Variants in RBMS3 observed in about 807,000 individuals in gnomAD.
The protein encoded by RBMS3 is RNA binding motif single stranded interacting protein 3.
In RBMS3, 27 loss-of-function variants were observed where a neutral mutation model predicts 66.8. That is an observed-to-expected ratio of 0.40 (90% CI 0.30 to 0.56). RBMS3 has a LOEUF of 0.56. Among genes scored for constraint, RBMS3 ranks in the 20% least tolerant of loss-of-function variants. The pLI is 0.40. For missense variants in RBMS3, 513 were observed against 549.5 expected (o/e 0.93, Z 0.66); for synonymous variants, 188 against 183.0 (o/e 1.03, Z -0.22).
chr3:29,652,511 T>G (rs2050181899), intron 4 of RBMS3, among the ~76,000 whole-genome samples: 2 of 152,098 alleles, frequency 1.3e-5, no homozygotes, highest in South Asian at 4.1e-4. Context: ...TAGGCCCTCC[T>G]GCTAGTGATC....
At chr3:29,422,419 G>T (rs1022471455) in intron 1 of RBMS3, among the ~76,000 whole-genome samples, 6 of 144,518 alleles carry the variant, frequency 4.2e-5, no homozygotes, top group African/African-American at 1.5e-4. Flanking sequence ...AAAATCTCCA[G>T]TAATAATCAC....
At position 29,651,023 on chromosome 3, in the gene RBMS3, T is replaced by C. The variant is rs560421937; in HGVS notation, c.399+63818T>C. ...TCAACTATTTTAGTTGTTGATTTTT[T>C]TTGATGTTGCCTTTAAAAAATCAAA... is the stretch of plus-strand genomic sequence containing the variant. On this transcript the variant is annotated intron_variant, in intron 4 of 14. Coordinates refer to ENST00000383767, the MANE Select transcript of RBMS3 (RefSeq NM_001003793.3). 3.3e-5 allele frequency among the ~76,000 whole-genome samples: 5 copies of C among 152,204 alleles called. No homozygotes were observed. The East Asian group carries it at 9.6e-4, about 29-fold the overall frequency.
chr3:29,379,637 T>C (rs1328872519), intron 1 of RBMS3, among the ~76,000 whole-genome samples: 2 of 152,182 alleles, frequency 1.3e-5, no homozygotes, highest in African/African-American at 2.4e-5. Context: ...GTCTCCATGA[T>C]TCAGTTGCCT....
chr3:29,865,249 T>G (rs577456953), intron 6 of RBMS3, among the ~76,000 whole-genome samples: 1 of 152,234 alleles, frequency 6.6e-6, no homozygotes, highest in Non-Finnish European at 1.5e-5. Flanking sequence ...TATGGAAATA[T>G]GAGCCTATAG....
chr3:29,828,918 A>C (rs1369246343), intron 6 of RBMS3, among the ~76,000 whole-genome samples: 2 of 152,238 alleles, frequency 1.3e-5, no homozygotes, highest in Non-Finnish European at 2.9e-5. Flanking sequence ...TAACCCATAT[A>C]GTAGAAAGAA....
At chr3:29,327,979 A>G (rs776429970) in intron 1 of RBMS3, among the ~76,000 whole-genome samples, 9 of 152,138 alleles carry the variant, frequency 5.9e-5, no homozygotes, top group Non-Finnish European at 1.2e-4. Flanking sequence ...TTTTTCTTTT[A>G]TCAGTAAATG....
chr3:29,419,488 A>G lies in RBMS3; in HGVS notation c.76-15255A>G, dbSNP rs146388459. Among the ~76,000 whole-genome samples the G allele has an allele frequency of 7.9e-5, 12 of 152,340 alleles. No homozygotes were observed. In the East Asian group the frequency reaches 1.7e-3, roughly 22 times the overall value. On this transcript the variant is annotated intron_variant, in intron 1 of 14. Coordinates refer to ENST00000383767, the MANE Select transcript of RBMS3 (RefSeq NM_001003793.3). ...AGAAATCTCTGGTCTTTGTTACATTATCATAAATTTTCTCTAATTAGATCT... is the reference window on the plus strand; with the variant it reads ...AGAAATCTCTGGTCTTTGTTACATTGTCATAAATTTTCTCTAATTAGATCT...
At chr3:29,578,845 AC>A (rs1452293585) in intron 3 of RBMS3, among the ~76,000 whole-genome samples, 1 of 112,166 alleles carries the variant, frequency 8.9e-6, no homozygotes, top group African/African-American at 3.9e-5. Context: ...CCCAGGTCGG[AC>A]TGCGGACTGC....
intron 6 of RBMS3, among the ~76,000 whole-genome samples, chr3:29,809,555 T>C (rs1370048834): frequency 6.6e-6 from 1 of 152,042 alleles, no homozygotes; most frequent in Non-Finnish European, 1.5e-5. Flanking sequence ...TTTTCATTAC[T>C]AATATTAAAT....
intron 1 of RBMS3, among the ~76,000 whole-genome samples, chr3:29,362,733 T>C (rs902383163): frequency 6.6e-6 from 1 of 152,228 alleles, no homozygotes; most frequent in African/African-American, 2.4e-5. Flanking sequence ...GATTGAGCCA[T>C]ATATGGTGTA....
At chr3:29,647,935 A>G (rs574541368) in intron 4 of RBMS3, among the ~76,000 whole-genome samples, 11 of 152,314 alleles carry the variant, frequency 7.2e-5, no homozygotes, top group African/African-American at 2.6e-4. Context: ...ACTGAATGAA[A>G]AATCATACAG....
chr3:29,956,660 C>A (rs1215960852), intron 12 of RBMS3, among the ~76,000 whole-genome samples: 1 of 152,136 alleles, frequency 6.6e-6, no homozygotes, highest in Non-Finnish European at 1.5e-5. Flanking sequence ...TTAAAAGTAT[C>A]TCTTCCAGAA....
chr3:29,811,194 A>G (rs1005229793), intron 6 of RBMS3, among the ~76,000 whole-genome samples: 1 of 152,124 alleles, frequency 6.6e-6, no homozygotes, highest in African/African-American at 2.4e-5. Context: ...TCTTCAGGTA[A>G]TCGCTGAAGA....
At chr3:29,456,603 T>C (rs993597133) in intron 2 of RBMS3, among the ~76,000 whole-genome samples, 2 of 152,192 alleles carry the variant, frequency 1.3e-5, no homozygotes, top group Non-Finnish European at 2.9e-5. Context: ...TTCATTAAGA[T>C]GCCTAGGAAA....
chr3:29,354,055 G>T (rs1480519496), intron 1 of RBMS3, among the ~76,000 whole-genome samples: 1 of 152,010 alleles, frequency 6.6e-6, no homozygotes, highest in African/African-American at 2.4e-5. Flanking sequence ...TTTTTGGTTT[G>T]TTGGTTTTGC....
chr3:29,713,595 C>A (rs1459327588), intron 4 of RBMS3, among the ~76,000 whole-genome samples: 3 of 152,142 alleles, frequency 2.0e-5, no homozygotes, highest in Non-Finnish European at 4.4e-5. Flanking sequence ...GGAAACTTCT[C>A]TAGTCCTGCC....
chr3:29,630,663 A>G (rs983991464), intron 4 of RBMS3, among the ~76,000 whole-genome samples: 3 of 151,990 alleles, frequency 2.0e-5, no homozygotes, highest in Non-Finnish European at 2.9e-5. Context: ...TAGAAATATA[A>G]TGTTTAAGCC....
chr3:29,668,877 G>C (rs2050875601), intron 4 of RBMS3, among the ~76,000 whole-genome samples: 1 of 152,188 alleles, frequency 6.6e-6, no homozygotes, highest in Non-Finnish European at 1.5e-5. Flanking sequence ...AATAGATAAA[G>C]GCAAAACTGT....
At chr3:29,392,515 G>A (rs2039347146) in intron 1 of RBMS3, among the ~76,000 whole-genome samples, 1 of 152,040 alleles carries the variant, frequency 6.6e-6, no homozygotes, top group African/African-American at 2.4e-5. Context: ...TAGTTGCAAA[G>A]TAAATTAATA....
Sources: gnomAD v4.1 joint callset for allele counts (sites outside exome capture counted in the v4.1 genomes callset) on GRCh38, gnomAD v4.1.1 for gene constraint, MANE v1.5 for transcripts, NCBI Gene and HGNC (gene_info 2026-07-23, HGNC 2026-07-21) for gene names.